Variants in SLC12A3 observed in about 807,000 individuals in gnomAD.
SLC12A3 encodes the protein Na-Cl cotransporter.
SLC12A3 carries 104 observed loss-of-function variants against 121.0 expected under a neutral mutation model. That is an observed-to-expected ratio of 0.86 (90% CI 0.73 to 1.01). SLC12A3 has a LOEUF of 1.01. Ranked by LOEUF, SLC12A3 falls within the 50% of genes least tolerant of loss-of-function variation. The probability of loss-of-function intolerance (pLI) is 0.00; values close to 1 mark genes in which losing one functional copy is unlikely to be tolerated. For missense variants in SLC12A3, 1,328 were observed against 1,356.3 expected, an observed-to-expected ratio of 0.98 and a Z score of 0.33; for synonymous variants, 536 against 533.4, an observed-to-expected ratio of 1.00 and a Z score of -0.07.
intron 20 of SLC12A3, 110 bp downstream of exon 20, chr16:56,892,243 C>A: frequency 1.0e-6 from 1 of 985,564 alleles, no homozygotes; most frequent in Non-Finnish European, 1.6e-6. Context: ...TGGTCGAGGA[C>A]AGGTGGTTTT....
intron 24 of SLC12A3, 23 bp downstream of exon 24, chr16:56,902,531 G>GGGGGCCCCC: frequency 8.4e-6 from 6 of 714,512 alleles, no homozygotes; most frequent in East Asian, 4.1e-5. Flanking sequence ...GTGGGGGTGG[G>GGGGGCCCCC]AAACGCGACA....
intron 21 of SLC12A3, among the ~76,000 whole-genome samples, chr16:56,894,000 T>G (rs2055428265): frequency 6.8e-6 from 1 of 148,046 alleles, no homozygotes; most frequent in Non-Finnish European, 1.5e-5. Context: ...TATTTATTTA[T>G]TTATTTATTT....
intron 22 of SLC12A3, among the ~76,000 whole-genome samples, chr16:56,897,047 G>T (rs1387028194): frequency 6.6e-6 from 1 of 151,536 alleles, no homozygotes; most frequent in Non-Finnish European, 1.5e-5. Context: ...AGCCGAGATT[G>T]TGCCACTGTA....
At chr16:56,878,474 G>C (rs1301318923) in intron 9 of SLC12A3, among the ~76,000 whole-genome samples, 1 of 152,072 alleles carries the variant, frequency 6.6e-6, no homozygotes, top group Admixed American at 6.6e-5. Context: ...TGATGATGAT[G>C]ATGATGATGA....
At chr16:56,869,468 C>G (rs2055058454) in intron 3 of SLC12A3, among the ~76,000 whole-genome samples, 1 of 152,204 alleles carries the variant, frequency 6.6e-6, no homozygotes, top group African/African-American at 2.4e-5. Flanking sequence ...GCTGGGATTA[C>G]AGGCATGTGC....
At chr16:56,887,384 T>C (rs1296931312) in intron 17 of SLC12A3, among the ~76,000 whole-genome samples, 1 of 152,028 alleles carries the variant, frequency 6.6e-6, no homozygotes, top group African/African-American at 2.4e-5. Flanking sequence ...TTTTTGTGTT[T>C]TTAGTAGAGA....
chr16:56,892,750 G>A (rs890225922), intron 20 of SLC12A3, among the ~76,000 whole-genome samples: 1 of 152,170 alleles, frequency 6.6e-6, no homozygotes, highest in African/African-American at 2.4e-5. Flanking sequence ...CCCACCCCCA[G>A]TACTCACCAG....
chr16:56,883,915 C>T lies in SLC12A3; in HGVS notation c.1670-134C>T. The T allele has an allele frequency of 1.1e-5, 10 of 908,826 alleles. No homozygotes were observed. The South Asian group carries it at 1.6e-4, about 14-fold the overall frequency. 56.3% of individuals were successfully genotyped at this position (908,826 alleles called of 1,614,324 possible). A position where few individuals can be genotyped will look rare whatever the true frequency, so the allele number is the denominator to read the frequency against. ...CCCAGGAGGCAGGGTGGGTGGTGCT[C>T]ATGGCTGGTGGGTACAGGCTGGGAC... On this transcript the variant is annotated intron_variant, in intron 13 of 25. Coordinates refer to ENST00000563236, the MANE Select transcript of SLC12A3 (RefSeq NM_001126108.2).
chr16:56,899,437 C>T (rs549289643), intron 22 of SLC12A3, 93 bp from the exon 23 acceptor site: 570 of 943,182 alleles, frequency 6.0e-4, no homozygotes, highest in Non-Finnish European at 7.8e-4. Flanking sequence ...TGCAGTGAAT[C>T]GAGATTGCAC....
intron 7 of SLC12A3, 66 bp from the exon 8 acceptor site, chr16:56,872,590 G>C: frequency 6.2e-7 from 1 of 1,612,312 alleles, no homozygotes; most frequent in Non-Finnish European, 8.5e-7. Flanking sequence ...TGCCTGCCCA[G>C]TGGGTCCCAG....
rs145461200 is a variant in SLC12A3, at chr16:56,896,818, G to A, written c.2633+2176G>A. ...AAATGTATCTAAGTTTGGTCCAGGC[G>A]TGGTGGCTTATGCTTGCAATCTCAG... is the stretch of plus-strand genomic sequence containing the variant. On this transcript the variant is annotated intron_variant, in intron 22 of 25. Transcript: ENST00000563236. Among the ~76,000 whole-genome samples the A allele has an allele frequency of 2.3e-4, 35 of 152,234 alleles. 1 individual carries two copies. Among genetic ancestry groups the A allele is most frequent in the South Asian group, 4.2e-4 (2 of 4,814 alleles).
chr16:56,868,685 G>A (rs939917598), intron 3 of SLC12A3, among the ~76,000 whole-genome samples: 6 of 152,186 alleles, frequency 3.9e-5, no homozygotes, highest in African/African-American at 9.6e-5. Context: ...CACTCTGGCC[G>A]GGCACGGTGG....
intron 19 of SLC12A3, among the ~76,000 whole-genome samples, chr16:56,891,064 C>T (rs1259093997): frequency 6.6e-6 from 1 of 151,768 alleles, no homozygotes; most frequent in Non-Finnish European, 1.5e-5. Context: ...TATATGACTG[C>T]AGACTCTGAA....
chr16:56,868,694 G>A (rs1478794394), intron 3 of SLC12A3, among the ~76,000 whole-genome samples: 1 of 152,228 alleles, frequency 6.6e-6, no homozygotes, highest in Admixed American at 6.5e-5. Flanking sequence ...CGGGCACGGT[G>A]GCTCACGCTT....
intron 20 of SLC12A3, among the ~76,000 whole-genome samples, chr16:56,892,537 C>T (rs1197921092): frequency 1.3e-5 from 2 of 152,184 alleles, no homozygotes; most frequent in African/African-American, 4.8e-5. Flanking sequence ...CTCTGGGGCC[C>T]TTGTCCCACC....
chr16:56,898,714 T>G (rs1279546766), intron 22 of SLC12A3, among the ~76,000 whole-genome samples: 2 of 152,198 alleles, frequency 1.3e-5, no homozygotes, highest in Non-Finnish European at 1.5e-5. Context: ...ACAGTAGGCT[T>G]CTCCTTCCCT....
chr16:56,907,126 G>A lies in SLC12A3; in HGVS notation c.2924+2664G>A, dbSNP rs548906526. 8.2e-5 allele frequency: 14 copies of A among 170,994 alleles called. No individual in the cohort carries two copies. The South Asian group carries it at 2.0e-3, about 25-fold the overall frequency. 10.6% of individuals were successfully genotyped at this position (170,994 alleles called of 1,614,324 possible). Reference sequence around the variant, plus strand: ...AAATTTTTGCTTTTACCAATTAGCGGAATTTTGTCACCAGGAGAGTGGTTC... The same window carrying A: ...AAATTTTTGCTTTTACCAATTAGCGAAATTTTGTCACCAGGAGAGTGGTTC... On this transcript the variant is annotated intron_variant, in intron 25 of 25. Coordinates refer to ENST00000563236, the MANE Select transcript of SLC12A3 (RefSeq NM_001126108.2).
At chr16:56,869,206 G>T (rs1567426383) in intron 3 of SLC12A3, among the ~76,000 whole-genome samples, 1 of 152,190 alleles carries the variant, frequency 6.6e-6, no homozygotes, top group Non-Finnish European at 1.5e-5. Context: ...TGATCACGGA[G>T]TGGTAACTGC....
chr16:56,869,681 C>T lies in SLC12A3; in HGVS notation c.506-48C>T, dbSNP rs200722977. The stretch of plus-strand genomic sequence containing the variant: ...TGGTGAATGAGTAGGCAAACTGGGG[C>T]TCCTCCCTTGGGAAATGCCCTGCCT... On this transcript the variant is annotated intron_variant, in intron 3 of 25. Transcript: ENST00000563236. The T allele has an allele frequency of 2.7e-4, 411 of 1,505,862 alleles. 4 individuals carry two copies. The African/African-American group carries it at 5.0e-3, about 18-fold the overall frequency. The allele number at this position is 1,505,862 out of a possible 1,614,324, so 93.3% of individuals were successfully genotyped here.
Sources: allele counts gnomAD v4.1 joint callset (sites outside exome capture counted in the v4.1 genomes callset), GRCh38; gene constraint gnomAD v4.1.1; transcripts MANE v1.5; gene names NCBI Gene and HGNC (gene_info 2026-07-23, HGNC 2026-07-21).